Variants in RBM19 observed in about 807,000 individuals in gnomAD.
RBM19 encodes probable RNA-binding protein 19.
Under a neutral mutation model 116.8 loss-of-function variants are expected in RBM19, and 94 were observed. That is an observed-to-expected ratio of 0.80 (90% confidence interval 0.68 to 0.95). The LOEUF is 0.95. RBM19 is among the 40% of genes least tolerant of loss of function. RBM19 has a pLI of 0.00. For synonymous variants in RBM19, 475 were observed against 494.1 expected (o/e 0.96, Z 0.51); for missense variants, 1,161 against 1,220.7 (o/e 0.95, Z 0.73).
At chr12:113,851,142 T>A (rs1486463881) in intron 22 of RBM19, among the ~76,000 whole-genome samples, 1 of 152,096 alleles carries the variant, frequency 6.6e-6, no homozygotes, top group Non-Finnish European at 1.5e-5. Flanking sequence ...TAAGTTAAGC[T>A]CCCTGCACAA....
chr12:113,958,087 T>C (rs377717683), intron 5 of RBM19, 37 bp from the exon 6 acceptor site: 86 of 1,579,188 alleles, frequency 5.4e-5, no homozygotes, highest in Non-Finnish European at 7.3e-5. Context: ...GCGACAGCTA[T>C]GAGCAAACCA....
chr12:113,912,311 G>A (rs1184788748), intron 21 of RBM19, among the ~76,000 whole-genome samples: 1 of 152,216 alleles, frequency 6.6e-6, no homozygotes, highest in African/African-American at 2.4e-5. Flanking sequence ...CCCCCACAGA[G>A]AGACCTGAGT....
chr12:113,961,444 T>C (rs12321455), intron 2 of RBM19, among the ~76,000 whole-genome samples: 11,620 of 152,238 alleles, frequency 0.076, 1,474 homozygotes, highest in African/African-American at 0.26. Context: ...AAAAAAGATG[T>C]ACTCCAATTC....
chr12:113,901,305 C>T (rs1211470827), intron 21 of RBM19, among the ~76,000 whole-genome samples: 1 of 152,038 alleles, frequency 6.6e-6, no homozygotes, highest in African/African-American at 2.4e-5. Context: ...ACTTATCCCC[C>T]CATCTGTTGA....
At chr12:113,872,134 G>C (rs1397795509) in intron 21 of RBM19, among the ~76,000 whole-genome samples, 1 of 148,838 alleles carries the variant, frequency 6.7e-6, no homozygotes, top group African/African-American at 2.5e-5. Context: ...GTCTCTGCCC[G>C]GCCGCCCATC....
chr12:113,866,658 CCCT>C (rs1878829820), intron 21 of RBM19, among the ~76,000 whole-genome samples: 1 of 152,168 alleles, frequency 6.6e-6, no homozygotes, highest in Non-Finnish European at 1.5e-5. Context: ...CAATGTTCTG[CCCT>C]CCTCTTGTCT....
At chr12:113,918,864 C>T (rs757801834) in intron 19 of RBM19, among the ~76,000 whole-genome samples, 2 of 152,124 alleles carry the variant, frequency 1.3e-5, no homozygotes, top group Non-Finnish European at 2.9e-5. Flanking sequence ...TAACATTGGT[C>T]CCTCAAGGCA....
intron 22 of RBM19, among the ~76,000 whole-genome samples, chr12:113,846,122 T>C (rs1292467150): frequency 6.6e-6 from 1 of 152,166 alleles, no homozygotes; most frequent in African/African-American, 2.4e-5. Context: ...CGGGCAGGCA[T>C]TAGTTTAAAG....
chr12:113,891,843 GTAATCA>G (rs1880983853), intron 21 of RBM19, among the ~76,000 whole-genome samples: 1 of 152,184 alleles, frequency 6.6e-6, no homozygotes, highest in Non-Finnish European at 1.5e-5. Flanking sequence ...CCCACGAAGT[GTAATCA>G]CACTGCCTGG....
At position 113,918,409 on chromosome 12, in the gene RBM19, G is replaced by C; in HGVS notation, c.2424C>G (p.Ile808Met). The C allele has an allele frequency of 6.2e-7, 1 of 1,614,240 alleles. No individual in the cohort carries two copies. Among genetic ancestry groups the C allele is most frequent in the Non-Finnish European group, 8.5e-7 (1 of 1,180,048 alleles). ...AGACTCACTTAGTGGCTCGTTCCGA[G>C]ATCCTCACTTCCAGCTTGTGGCCGT... is the stretch of plus-strand genomic sequence containing the variant. ...VVDGHKLEVR[I>M]SERATKPAVT... The change falls in exon 20 of 24, where the codon ATC (isoleucine) becomes ATG (methionine). Residue 808 changes from isoleucine (I) to methionine (M), a missense_variant. Physicochemically the swap from Ile to Met is conservative, Grantham distance 10 (BLOSUM62 1). Coordinates refer to ENST00000261741, the MANE Select transcript of RBM19 (RefSeq NM_016196.4).
intron 21 of RBM19, among the ~76,000 whole-genome samples, chr12:113,867,226 G>C (rs1458768953): frequency 6.6e-6 from 1 of 152,198 alleles, no homozygotes; most frequent in African/African-American, 2.4e-5. Context: ...CCTCAGATGT[G>C]AACACATTTG....
chr12:113,925,255 C>G (rs1049662133), intron 17 of RBM19, among the ~76,000 whole-genome samples: 4 of 152,134 alleles, frequency 2.6e-5, no homozygotes, highest in Non-Finnish European at 5.9e-5. Context: ...ACACACAGAG[C>G]CCAGGGAAAG....
At chr12:113,927,333 A>G (rs1313141698) in intron 16 of RBM19, 104 bp from the exon 17 acceptor site, 1 of 1,393,954 alleles carries the variant, frequency 7.2e-7, no homozygotes. Context: ...CCCACTAGGT[A>G]AAGGGGTTCT....
intron 23 of RBM19, among the ~76,000 whole-genome samples, chr12:113,840,050 C>T (rs1337830427): frequency 6.6e-6 from 1 of 151,232 alleles, no homozygotes; most frequent in Non-Finnish European, 1.5e-5. Context: ...CATACGGGGA[C>T]CCAGGTAATG....
At position 113,928,661 on chromosome 12, in the gene RBM19, G is replaced by GTGTGTGTGTGTGTC. The variant is rs1555242499; in HGVS notation, c.2069-1433_2069-1432insGACACACACACACA. Among the ~76,000 whole-genome samples the GTGTGTGTGTGTGTC allele has an allele frequency of 8.3e-3, 1,240 of 149,430 alleles. 17 individuals are homozygous for GTGTGTGTGTGTGTC. The highest frequency in any genetic ancestry group is 0.022 in the East Asian group (105 of 4,744). ...TGTGTGTGTGTGTGTGTGTGTGTGT[G>GTGTGTGTGTGTGTC]TCTGCAGCTCAGGGAGTTGGGAACA... On this transcript the variant is annotated intron_variant, in intron 16 of 23. Transcript: ENST00000261741.
At chr12:113,887,668 A>G (rs953874619) in intron 21 of RBM19, among the ~76,000 whole-genome samples, 1 of 151,510 alleles carries the variant, frequency 6.6e-6, no homozygotes, top group African/African-American at 2.4e-5. Context: ...AGAAAAAAGA[A>G]AAAGCCAACA....
intron 11 of RBM19, 84 bp from the exon 12 acceptor site, chr12:113,946,559 C>T (rs2290793): frequency 0.031 from 48,878 of 1,580,496 alleles, 2,215 homozygotes; most frequent in Admixed American, 0.2. Flanking sequence ...GCTTCTGCCA[C>T]GAGTAAGCTG....
intron 20 of RBM19, among the ~76,000 whole-genome samples, chr12:113,915,756 G>A (rs1232725463): frequency 6.6e-6 from 1 of 152,248 alleles, no homozygotes; most frequent in Non-Finnish European, 1.5e-5. Context: ...TAGAATGGGT[G>A]TAATGATAGG....
intron 21 of RBM19, among the ~76,000 whole-genome samples, chr12:113,888,072 C>A (rs563796140): frequency 6.6e-4 from 101 of 152,266 alleles, no homozygotes; most frequent in African/African-American, 2.4e-3. Context: ...ATAGCCAGAC[C>A]TGTGGTTAGC....
Sources: allele counts gnomAD v4.1 joint callset (sites outside exome capture counted in the v4.1 genomes callset), GRCh38; gene constraint gnomAD v4.1.1; transcripts MANE v1.5; gene names NCBI Gene and HGNC (gene_info 2026-07-23, HGNC 2026-07-21).